Variants in PHF21A observed in about 807,000 individuals in gnomAD.
PHF21A encodes the protein BHC80a.
Under a neutral mutation model 82.5 loss-of-function variants are expected in PHF21A, and 11 were observed. The ratio of observed to expected loss-of-function variants is 0.13; its 90% confidence interval spans 0.08 to 0.22. The LOEUF (loss-of-function observed/expected upper bound fraction) is 0.22, where lower values mean the gene tolerates loss of function less well. PHF21A is among the 10% of genes least tolerant of loss of function. The pLI is 1.00. For synonymous variants in PHF21A, 297 were observed against 302.8 expected (o/e 0.98, Z 0.20); for missense variants, 579 against 837.8 (o/e 0.69, Z 3.81).
chr11:46,051,086 A>C (rs2096357171), intron 6 of PHF21A, among the ~76,000 whole-genome samples: 1 of 152,238 alleles, frequency 6.6e-6, no homozygotes, highest in African/African-American at 2.4e-5. Context: ...AGCAAAAAGT[A>C]GCTTTCTAAA....
chr11:46,032,651 G>A (rs1468546945), intron 6 of PHF21A, among the ~76,000 whole-genome samples: 3 of 152,074 alleles, frequency 2.0e-5, no homozygotes, highest in Non-Finnish European at 4.4e-5. Flanking sequence ...ACTGTTGTCT[G>A]AAAAGGCTAT....
intron 7 of PHF21A, among the ~76,000 whole-genome samples, chr11:45,977,596 C>T (rs2094098670): frequency 6.6e-6 from 1 of 152,148 alleles, no homozygotes; most frequent in Non-Finnish European, 1.5e-5. Context: ...CAACCTAACC[C>T]AATTCTGTTT....
chr11:46,037,396 C>T (rs1393163555), intron 6 of PHF21A, among the ~76,000 whole-genome samples: 2 of 152,138 alleles, frequency 1.3e-5, no homozygotes, highest in East Asian at 3.9e-4. Context: ...GATCCCAGCA[C>T]TTTGGGAGGC....
intron 12 of PHF21A, 106 bp downstream of exon 12, chr11:45,950,100 C>T (rs2091901479): frequency 2.2e-6 from 2 of 903,272 alleles, no homozygotes; most frequent in East Asian, 2.5e-5. Flanking sequence ...GAATCATACT[C>T]TATTTGTGTT....
chr11:46,084,274 A>G lies in PHF21A; in HGVS notation c.-55T>C. On this transcript the variant is annotated 5_prime_UTR_variant, in exon 4 of 19. Transcript: ENST00000676320. Reference sequence around the variant, plus strand: ...TCTATAGTTTCTTCAGCCTCTGTTTAAAGTAACAAACTCCTCTTCTCACTG... The same window carrying G: ...TCTATAGTTTCTTCAGCCTCTGTTTGAAGTAACAAACTCCTCTTCTCACTG... 1.4e-6 allele frequency: 2 copies of G among 1,403,430 alleles called. No homozygotes were observed. The highest frequency in any genetic ancestry group is 2.0e-6 in the Non-Finnish European group (2 of 1,013,298). 86.9% of individuals were successfully genotyped at this position (1,403,430 alleles called of 1,614,324 possible).
At chr11:45,962,038 C>T (rs1461660688) in intron 10 of PHF21A, among the ~76,000 whole-genome samples, 1 of 152,186 alleles carries the variant, frequency 6.6e-6, no homozygotes, top group African/African-American at 2.4e-5. Context: ...GCATTGCCTT[C>T]TCCCATTCCT....
At chr11:46,035,200 A>G (rs2138502164) in intron 6 of PHF21A, among the ~76,000 whole-genome samples, 1 of 152,328 alleles carries the variant, frequency 6.6e-6, no homozygotes, top group African/African-American at 2.4e-5. Flanking sequence ...CCTGACTAGG[A>G]GCCTCACTTG....
intron 7 of PHF21A, among the ~76,000 whole-genome samples, chr11:45,979,046 T>C (rs1209291937): frequency 6.6e-6 from 1 of 151,948 alleles, no homozygotes; most frequent in Non-Finnish European, 1.5e-5. Context: ...AGACGGAGTT[T>C]TGCTCTGTTG....
chr11:46,055,712 C>T lies in PHF21A; in HGVS notation c.153+21042G>A, dbSNP rs529959282. Among the ~76,000 whole-genome samples the T allele has an allele frequency of 9.2e-5, 14 of 152,226 alleles. No individual in the cohort carries two copies. The South Asian group carries it at 2.7e-3, about 29-fold the overall frequency. On this transcript the variant is annotated intron_variant, in intron 6 of 18. Transcript: ENST00000676320. ...GAGTCATGGAATCTCTTTATATAAA[C>T]GCCCCAACAATTTACATCCAGACTC...
chr11:45,935,837 C>G, intron 17 of PHF21A, 98 bp from the exon 18 acceptor site: 1 of 670,300 alleles, frequency 1.5e-6, no homozygotes, highest in Non-Finnish European at 2.5e-6. Flanking sequence ...AGGTATTTTC[C>G]CCAGAGCTCC....
At chr11:45,938,797 T>G (rs2089720422) in intron 15 of PHF21A, among the ~76,000 whole-genome samples, 1 of 152,004 alleles carries the variant, frequency 6.6e-6, no homozygotes, top group African/African-American at 2.4e-5. Flanking sequence ...ACTGAAACAA[T>G]AAGAAGTGAA....
intron 6 of PHF21A, among the ~76,000 whole-genome samples, chr11:46,043,582 C>T (rs2096198320): frequency 6.6e-6 from 1 of 151,970 alleles, no homozygotes. Flanking sequence ...CCAAACTGTT[C>T]TCCATCTCTA....
chr11:46,050,555 T>C (rs1009446637), intron 6 of PHF21A, among the ~76,000 whole-genome samples: 2 of 152,220 alleles, frequency 1.3e-5, no homozygotes. Context: ...CTTACTGATA[T>C]AAGCATCTCT....
chr11:45,992,356 C>T (rs1475345230), intron 6 of PHF21A, among the ~76,000 whole-genome samples: 3 of 150,020 alleles, frequency 2.0e-5, no homozygotes, highest in South Asian at 2.1e-4. Flanking sequence ...CATGGTGAAA[C>T]CCCGTCTATA....
intron 4 of PHF21A, 91 bp from the exon 5 acceptor site, chr11:46,079,257 G>C: frequency 2.3e-6 from 2 of 863,884 alleles, no homozygotes; most frequent in Non-Finnish European, 3.7e-6. Context: ...AGGATTTTAA[G>C]TTAACACAAA....
intron 10 of PHF21A, among the ~76,000 whole-genome samples, chr11:45,961,189 G>T (rs1417056168): frequency 1.3e-5 from 2 of 152,128 alleles, no homozygotes; most frequent in Non-Finnish European, 2.9e-5. Flanking sequence ...ACGGTTGCTG[G>T]AATTTGCAAC....
At chr11:46,089,726 T>C (rs1359180647) in intron 3 of PHF21A, among the ~76,000 whole-genome samples, 1 of 148,954 alleles carries the variant, frequency 6.7e-6, no homozygotes, top group Non-Finnish European at 1.5e-5. Context: ...TATGCATACA[T>C]ATCATTACAT....
At position 46,121,420 on chromosome 11, in the gene PHF21A, A is replaced by G. The variant is rs1446591873; in HGVS notation, c.-722T>C. On this transcript the variant is annotated 5_prime_UTR_variant, in exon 1 of 19. Transcript: ENST00000676320. ...CCTCTCAGCAGCAGCAGCGAGCACC[A>G]CCAGCCCATTCACCACCCGGCCCCG... is the stretch of plus-strand genomic sequence containing the variant. Among the ~76,000 whole-genome samples, 1 of 149,846 alleles carries G rather than the reference A, an allele frequency of 6.7e-6. No homozygotes were observed. Among genetic ancestry groups the G allele is most frequent in the Non-Finnish European group, 1.5e-5 (1 of 67,264 alleles).
chr11:45,950,858 G>C (rs1179393563), intron 11 of PHF21A, among the ~76,000 whole-genome samples: 1 of 152,178 alleles, frequency 6.6e-6, no homozygotes, highest in Non-Finnish European at 1.5e-5. Flanking sequence ...TCACGACTAG[G>C]TCAGTTTCTC....
Sources: allele counts gnomAD v4.1 joint callset (sites outside exome capture counted in the v4.1 genomes callset), GRCh38; gene constraint gnomAD v4.1.1; transcripts MANE v1.5; gene names NCBI Gene and HGNC (gene_info 2026-07-23, HGNC 2026-07-21).